ITGA1: variants seen among roughly 807,000 people sequenced by gnomAD.
ITGA1 encodes the protein integrin subunit alpha 1, also known as integrin alpha-1.
ITGA1 carries 85 observed loss-of-function variants against 145.9 expected under a neutral mutation model. The observed-to-expected ratio is 0.58, with a 90% CI of 0.49 to 0.70. The LOEUF is 0.70. Ranked by LOEUF, ITGA1 falls within the 30% of genes least tolerant of loss-of-function variation. ITGA1 has a pLI of 0.00. For synonymous variants in ITGA1, 520 were observed against 495.3 expected, an observed-to-expected ratio of 1.05 and a Z score of -0.66; for missense variants, 1,351 against 1,418.7, an observed-to-expected ratio of 0.95 and a Z score of 0.77.
chr5:52,851,351 C>G (rs924376153), intron 2 of ITGA1, among the ~76,000 whole-genome samples: 2 of 152,118 alleles, frequency 1.3e-5, no homozygotes, highest in Non-Finnish European at 2.9e-5. Context: ...CCCATTTGAT[C>G]TCTTTAGTCA....
At chr5:52,824,776 T>C (rs1748935066) in intron 1 of ITGA1, 2 of 152,160 alleles carry the variant, frequency 1.3e-5, no homozygotes, top group East Asian at 3.8e-4. Context: ...AGACAGAAGA[T>C]CCTTTAAAAA....
At chr5:52,810,033 GT>G (rs11336555) in intron 1 of ITGA1, among the ~76,000 whole-genome samples, 45,349 of 152,102 alleles carry the variant, frequency 0.3, 7,230 homozygotes, top group African/African-American at 0.42. Context: ...TAGTATCCAT[GT>G]TTTTGTTGTC....
rs1439385026 is a variant in ITGA1, at chr5:52,801,142, A to G, written c.61+12728A>G. The G allele has an allele frequency of 5.1e-6, 8 of 1,570,640 alleles. No homozygotes were observed. The Admixed American group carries it at 7.2e-5, about 14-fold the overall frequency. ...TCAGGTAAAACAATCTTACCCAGGG[A>G]TAATTAAGAATGGGCAGAGGGATTG... On this transcript the variant is annotated intron_variant, in intron 1 of 28. Coordinates refer to ENST00000282588, the MANE Select transcript of ITGA1 (RefSeq NM_181501.2).
rs773897976 is a variant in ITGA1 at position 52,927,712 on chromosome 5, A to G, written c.2694+48A>G. On this transcript the variant is annotated intron_variant, in intron 20 of 28. Coordinates refer to ENST00000282588, the MANE Select transcript of ITGA1 (RefSeq NM_181501.2). ...ATGTAGAAATTGAATATGAAAAGTA[A>G]TATGTGCAAAGACAAATATATAAAT... is the stretch of plus-strand genomic sequence containing the variant. 9 of 1,192,614 alleles carry G rather than the reference A, an allele frequency of 7.5e-6. No individual in the cohort carries two copies. In the East Asian group the frequency reaches 9.4e-5, roughly 12 times the overall value. The allele number at this position is 1,192,614 out of a possible 1,614,324, so 73.9% of individuals were successfully genotyped here.
chr5:52,904,237 G>A (rs997485898), intron 11 of ITGA1: 3 of 152,226 alleles, frequency 2.0e-5, no homozygotes, highest in Non-Finnish European at 4.4e-5. Context: ...TTTGTATGTA[G>A]AGTCTCTTGA....
At chr5:52,879,458 T>C (rs1389094307) in intron 6 of ITGA1, among the ~76,000 whole-genome samples, 1 of 152,186 alleles carries the variant, frequency 6.6e-6, no homozygotes, top group Non-Finnish European at 1.5e-5. Flanking sequence ...TTTGCTTTTA[T>C]TTACACTGAA....
intron 1 of ITGA1, among the ~76,000 whole-genome samples, chr5:52,794,457 G>A (rs76082406): frequency 6.7e-6 from 1 of 150,092 alleles, no homozygotes; most frequent in African/African-American, 2.4e-5. Flanking sequence ...AATATTTTTG[G>A]TGAAATGATC....
At chr5:52,894,969 A>G (rs961145095) in intron 9 of ITGA1, among the ~76,000 whole-genome samples, 9 of 152,158 alleles carry the variant, frequency 5.9e-5, no homozygotes, top group African/African-American at 1.9e-4. Context: ...GATAATAACT[A>G]CATTTTGCTT....
intron 6 of ITGA1, among the ~76,000 whole-genome samples, chr5:52,878,047 C>G (rs954470547): frequency 6.6e-6 from 1 of 152,186 alleles, no homozygotes; most frequent in African/African-American, 2.4e-5. Context: ...CAGGCCTCAG[C>G]TTGATATGGA....
At chr5:52,835,664 A>G (rs774179774) in intron 1 of ITGA1, among the ~76,000 whole-genome samples, 8 of 152,080 alleles carry the variant, frequency 5.3e-5, no homozygotes, top group Non-Finnish European at 8.8e-5. Flanking sequence ...GTGTGTGTGT[A>G]TATATTTTGA....
At chr5:52,938,100 T>C (rs769452186) in intron 24 of ITGA1, among the ~76,000 whole-genome samples, 2 of 152,206 alleles carry the variant, frequency 1.3e-5, no homozygotes, top group Non-Finnish European at 2.9e-5. Flanking sequence ...TTTAGGCATA[T>C]CTTTGGGGAC....
At chr5:52,845,973 A>G (rs1176841653) in intron 1 of ITGA1, among the ~76,000 whole-genome samples, 2 of 152,196 alleles carry the variant, frequency 1.3e-5, no homozygotes, top group Admixed American at 6.5e-5. Context: ...TGATTTTATC[A>G]TTGTGCGAAT....
At chr5:52,884,003 C>T (rs16880427) in intron 7 of ITGA1, among the ~76,000 whole-genome samples, 1,940 of 152,220 alleles carry the variant, frequency 0.013, 44 homozygotes, top group African/African-American at 0.045. Context: ...TTTTGTAACC[C>T]TGATATTTAA....
At chr5:52,847,081 G>T (rs540405495) in intron 1 of ITGA1, among the ~76,000 whole-genome samples, 64 of 152,124 alleles carry the variant, frequency 4.2e-4, no homozygotes, top group South Asian at 3.7e-3. Flanking sequence ...TTTCCAATTT[G>T]GGGGGAAAAA....
chr5:52,888,337 G>GA (rs1236274129), intron 8 of ITGA1, among the ~76,000 whole-genome samples: 2 of 152,162 alleles, frequency 1.3e-5, no homozygotes, highest in Non-Finnish European at 2.9e-5. Flanking sequence ...GGGAAGGCGG[G>GA]AAAAATGCCT....
chr5:52,803,272 CATCT>C (rs1379399574), intron 1 of ITGA1: 1 of 152,120 alleles, frequency 6.6e-6, no homozygotes, highest in African/African-American at 2.4e-5. Context: ...TATTTTTGTA[CATCT>C]ATCTCCTAAT....
At chr5:52,907,373 T>C (rs1195252473) in intron 12 of ITGA1, among the ~76,000 whole-genome samples, 2 of 152,130 alleles carry the variant, frequency 1.3e-5, no homozygotes, top group African/African-American at 2.4e-5. Context: ...TAATAGGAAG[T>C]TGACAATAGT....
intron 1 of ITGA1, among the ~76,000 whole-genome samples, chr5:52,813,221 G>A (rs1748712269): frequency 6.6e-6 from 1 of 151,996 alleles, no homozygotes; most frequent in African/African-American, 2.4e-5. Context: ...CCCTGAAACT[G>A]GTTCTATAGC....
At chr5:52,897,155 A>G (rs1750239023) in intron 9 of ITGA1, among the ~76,000 whole-genome samples, 1 of 152,120 alleles carries the variant, frequency 6.6e-6, no homozygotes, top group Non-Finnish European at 1.5e-5. Flanking sequence ...GACCCAAAGC[A>G]CCATAGGATC....
Sources: allele counts gnomAD v4.1 joint callset (sites outside exome capture counted in the v4.1 genomes callset), GRCh38; gene constraint gnomAD v4.1.1; transcripts MANE v1.5; gene names NCBI Gene and HGNC (gene_info 2026-07-23, HGNC 2026-07-21).